IKBKB: variants seen among roughly 807,000 people sequenced by gnomAD.
IKBKB encodes the protein inhibitor of nuclear factor kappa B kinase subunit beta, also known as inhibitor of nuclear factor kappa-B kinase subunit beta.
A neutral mutation model predicts 113.6 loss-of-function variants in IKBKB; 42 were observed. The observed-to-expected ratio is 0.37, with a 90% CI of 0.29 to 0.48. IKBKB has a LOEUF of 0.48. Ranked by LOEUF, IKBKB falls within the 20% of genes least tolerant of loss-of-function variation. The pLI is 0.99. For missense variants in IKBKB, 673 were observed against 939.7 expected (o/e 0.72, Z 3.71); for synonymous variants, 296 against 361.3 (o/e 0.82, Z 2.05).
rs1484961043 is a variant in IKBKB, at chr8:42,318,570, A to G, written c.1259A>G (p.Asn420Ser). The part of the protein sequence containing the change: ...VSCILQEPKR[N>S]LAFFQLRKVW... The stretch of plus-strand genomic sequence containing the variant: ...TCTCCAGTTCAAGAGCCCAAGAGGA[A>G]TCTCGCCTTCTTCCAGCTGAGGAAG... The change falls in exon 13 of 22, where the codon AAT (asparagine) becomes AGT (serine). Residue 420 changes from asparagine to serine, a missense_variant. Asn to Ser is a conservative substitution (Grantham distance 46, BLOSUM62 1). Coordinates refer to ENST00000520810, the MANE Select transcript of IKBKB (RefSeq NM_001556.3). 10 of 1,614,016 alleles carry G rather than the reference A, an allele frequency of 6.2e-6. No homozygotes were observed. The South Asian group carries it at 1.1e-4, about 18-fold the overall frequency.
In IKBKB at chr8:42,282,401, C is replaced by G. The variant is rs769024571; in HGVS notation, c.106-6233C>G. Among the ~76,000 whole-genome samples, 88 of 152,204 alleles carry G rather than the reference C, an allele frequency of 5.8e-4. 4 individuals carry two copies. Among genetic ancestry groups the G allele is most frequent in the Admixed American group, 2.6e-4 (4 of 15,278 alleles). ...AAAATATTTTTAGTAGAGACAGAGT[C>G]TTGCCATATTGCCCAGGCTGGTCTC... On this transcript the variant is annotated intron_variant, in intron 2 of 21. Coordinates refer to ENST00000520810, the MANE Select transcript of IKBKB (RefSeq NM_001556.3).
chr8:42,309,953 C>G (rs749300036), intron 8 of IKBKB, among the ~76,000 whole-genome samples: 74 of 152,126 alleles, frequency 4.9e-4, no homozygotes, highest in Admixed American at 2.2e-3. Context: ...AGTTAATTAT[C>G]ACCACCAAAA....
intron 6 of IKBKB, 77 bp downstream of exon 6, chr8:42,305,352 T>C: frequency 1.2e-6 from 1 of 813,536 alleles, no homozygotes. Context: ...GAGCACACTC[T>C]GCATATTTGT....
rs140727824 is a variant in IKBKB, at chr8:42,312,977, C to T, written c.693-1345C>T. 3.4e-3 allele frequency among the ~76,000 whole-genome samples: 520 copies of T among 152,318 alleles called. 5 individuals are homozygous for T. Among genetic ancestry groups the T allele is most frequent in the African/African-American group, 0.012 (491 of 41,570 alleles). On this transcript the variant is annotated intron_variant, in intron 8 of 21. Coordinates refer to ENST00000520810, the MANE Select transcript of IKBKB (RefSeq NM_001556.3). The stretch of plus-strand genomic sequence containing the variant: ...TGCTACTCTGTTGTGTGACCTTGGA[C>T]AAATCATTTGATCATCATTTCCTTT...
At chr8:42,294,000 C>T (rs1325957488) in intron 5 of IKBKB, among the ~76,000 whole-genome samples, 1 of 152,194 alleles carries the variant, frequency 6.6e-6, no homozygotes, top group Non-Finnish European at 1.5e-5. Flanking sequence ...GCCAAGCTGG[C>T]CATTCATGGA....
intron 2 of IKBKB, among the ~76,000 whole-genome samples, chr8:42,273,715 GT>G (rs574644560): frequency 2.7e-5 from 4 of 148,346 alleles, no homozygotes; most frequent in Non-Finnish European, 3.0e-5. Flanking sequence ...CTCAGCTGAG[GT>G]TTTTTTTTTA....
intron 2 of IKBKB, among the ~76,000 whole-genome samples, chr8:42,277,660 A>C (rs11986055): frequency 0.21 from 32,245 of 151,762 alleles, 7,923 homozygotes; most frequent in African/African-American, 0.6. Context: ...TCCAGGACCA[A>C]CTCTAGGCCA....
chr8:42,303,047 G>A (rs752187682), intron 5 of IKBKB, among the ~76,000 whole-genome samples: 15 of 148,318 alleles, frequency 1.0e-4, no homozygotes, highest in Admixed American at 2.7e-4. Context: ...TCCCCTCCCC[G>A]GCTTGCCGAG....
At chr8:42,283,647 G>T (rs557619034) in intron 2 of IKBKB, among the ~76,000 whole-genome samples, 27 of 152,314 alleles carry the variant, frequency 1.8e-4, no homozygotes, top group African/African-American at 6.0e-4. Context: ...TCTGGATGGA[G>T]CATAGCCCCA....
intron 2 of IKBKB, among the ~76,000 whole-genome samples, chr8:42,273,926 G>C (rs1395019884): frequency 6.6e-6 from 1 of 152,138 alleles, no homozygotes; most frequent in Non-Finnish European, 1.5e-5. Context: ...GATACATAAT[G>C]TGTAATGATC....
intron 3 of IKBKB, among the ~76,000 whole-genome samples, chr8:42,289,488 C>T (rs116716981): frequency 3.2e-4 from 48 of 152,290 alleles, no homozygotes; most frequent in African/African-American, 1.0e-3. Flanking sequence ...GTCATGCTGT[C>T]GCTGACATTT....
chr8:42,302,690 ATAAGG>A, intron 5 of IKBKB, among the ~76,000 whole-genome samples: 1 of 152,218 alleles, frequency 6.6e-6, no homozygotes, highest in South Asian at 2.1e-4. Context: ...GTTGTTTCAT[ATAAGG>A]TATATATGAA....
rs200722206 is a variant in IKBKB, at chr8:42,316,327, C to G, written c.918C>G (p.Ile306Met). The change falls in exon 10 of 22, where the codon ATC becomes ATG. Residue 306 changes from isoleucine to methionine, a missense_variant. Physicochemically the swap from Ile to Met is conservative, Grantham distance 10 (BLOSUM62 1). Transcript: ENST00000520810. The surrounding 1 kb of genome is among the most constrained non-coding windows in gnomAD (Gnocchi z 4.5). The stretch of plus-strand genomic sequence containing the variant: ...GCTGCTTCAAGGCCCTGGATGACAT[C>G]TTAAACTTAAAGGTGAGTGTGGAGC... The part of the protein sequence containing the change: ...PNGCFKALDD[I>M]LNLKLVHILN... 1 of 1,614,156 alleles carries G rather than the reference C, an allele frequency of 6.2e-7. No individual in the cohort carries two copies. The highest frequency in any genetic ancestry group is 8.5e-7 in the Non-Finnish European group (1 of 1,180,018).
chr8:42,326,540 G>T (rs186399644), intron 20 of IKBKB: 391 of 161,740 alleles, frequency 2.4e-3, no homozygotes, highest in African/African-American at 8.7e-3. Context: ...CAGCAGAGGT[G>T]GGGGCAGGGC....
chr8:42,271,451 C>T lies in IKBKB; in HGVS notation c.-37C>T. ...CCGCCCCGGGGAGCCCGCCCCCTGC[C>T]CCGCGTCCCTGCCGACAGGTGAGTC... On this transcript the variant is annotated 5_prime_UTR_variant, in exon 1 of 22. Coordinates refer to ENST00000520810, the MANE Select transcript of IKBKB (RefSeq NM_001556.3). 3 of 1,390,708 alleles carry T rather than the reference C, an allele frequency of 2.2e-6. No homozygotes were observed. Among genetic ancestry groups the T allele is most frequent in the Non-Finnish European group, 2.9e-6 (3 of 1,019,874 alleles). The allele number at this position is 1,390,708 out of a possible 1,614,324, so 86.1% of individuals were successfully genotyped here.
chr8:42,295,044 G>A (rs1448264285), intron 5 of IKBKB, among the ~76,000 whole-genome samples: 1 of 145,042 alleles, frequency 6.9e-6, no homozygotes, highest in African/African-American at 2.6e-5. Context: ...TTTTTTGGAT[G>A]TTTTTCTCTC....
chr8:42,290,966 A>AT (rs542670919), intron 4 of IKBKB, among the ~76,000 whole-genome samples: 72 of 152,262 alleles, frequency 4.7e-4, no homozygotes, highest in African/African-American at 1.7e-3. Flanking sequence ...CTGCTAGTAC[A>AT]TGTTACCTCA....
At chr8:42,299,820 T>G (rs527990558) in intron 5 of IKBKB, among the ~76,000 whole-genome samples, 74 of 152,330 alleles carry the variant, frequency 4.9e-4, no homozygotes, top group Admixed American at 8.5e-4. Context: ...CTGTGGGGAT[T>G]GCCTGGCCTG....
chr8:42,285,726 G>C (rs1370726256), intron 2 of IKBKB, among the ~76,000 whole-genome samples: 1 of 152,250 alleles, frequency 6.6e-6, no homozygotes, highest in Admixed American at 6.5e-5. Flanking sequence ...ACTGGACTGA[G>C]GGGGTCTCCC....
Sources: gnomAD v4.1 joint callset for allele counts (sites outside exome capture counted in the v4.1 genomes callset) on GRCh38, gnomAD v4.1.1 for gene constraint, Gnocchi (gnomAD v3.1) non-coding constraint, MANE v1.5 for transcripts, NCBI Gene and HGNC (gene_info 2026-07-23, HGNC 2026-07-21) for gene names.